Variants in DROSHA observed in about 807,000 individuals in gnomAD.
DROSHA encodes the protein ribonuclease 3.
In DROSHA, 56 loss-of-function variants were observed where a neutral mutation model predicts 181.9. That is an observed-to-expected ratio of 0.31 (90% confidence interval 0.25 to 0.38). DROSHA has a LOEUF of 0.38. Ranked by LOEUF, DROSHA falls within the 10% of genes least tolerant of loss-of-function variation. The probability of loss-of-function intolerance (pLI) is 1.00; values close to 1 mark genes in which losing one functional copy is unlikely to be tolerated. For missense variants in DROSHA, 1,218 were observed against 1,743.5 expected (o/e 0.70, Z 5.37); for synonymous variants, 524 against 591.2 (o/e 0.89, Z 1.65).
At position 31,436,210 on chromosome 5, in the gene DROSHA, T is replaced by G. The variant is rs564049654; in HGVS notation, c.2943-346A>C. Among the ~76,000 whole-genome samples the G allele has an allele frequency of 7.2e-5, 11 of 152,300 alleles. No homozygotes were observed. In the East Asian group the frequency reaches 2.1e-3, roughly 29 times the overall value. On this transcript the variant is annotated intron_variant, in intron 24 of 35. Transcript: ENST00000344624. Reference sequence around the variant, plus strand: ...GTGAAACAAATGCTTTTCCTTGGGCTGTGTTACGTGTGGCCCCTGGAGAGA... The same window carrying G: ...GTGAAACAAATGCTTTTCCTTGGGCGGTGTTACGTGTGGCCCCTGGAGAGA...
intron 4 of DROSHA, 101 bp downstream of exon 4, chr5:31,528,939 C>A: frequency 6.8e-7 from 1 of 1,462,332 alleles, no homozygotes; most frequent in Non-Finnish European, 9.4e-7. Context: ...TATCCCCTCT[C>A]CCCATGTATC....
intron 16 of DROSHA, among the ~76,000 whole-genome samples, chr5:31,474,323 T>A (rs1750113693): frequency 6.6e-6 from 1 of 152,228 alleles, no homozygotes; most frequent in Admixed American, 6.5e-5. Flanking sequence ...TGTTATGGAC[T>A]CAATGTTTGT....
At chr5:31,491,782 C>A (rs994364054) in intron 13 of DROSHA, among the ~76,000 whole-genome samples, 1 of 151,098 alleles carries the variant, frequency 6.6e-6, no homozygotes. Context: ...TGGCCTAATA[C>A]TATTGCTTTT....
At chr5:31,455,499 T>TA (rs1466886051) in intron 20 of DROSHA, among the ~76,000 whole-genome samples, 1 of 152,060 alleles carries the variant, frequency 6.6e-6, no homozygotes, top group African/African-American at 2.4e-5. Context: ...ATATACAGCA[T>TA]ACCTGAAAAA....
chr5:31,517,983 T>G (rs1412409409), intron 6 of DROSHA, among the ~76,000 whole-genome samples: 1 of 152,222 alleles, frequency 6.6e-6, no homozygotes, highest in Non-Finnish European at 1.5e-5. Flanking sequence ...CAGTCATATG[T>G]CACTAACAAC....
chr5:31,446,268 G>C (rs115547146), intron 23 of DROSHA, among the ~76,000 whole-genome samples: 1 of 151,668 alleles, frequency 6.6e-6, no homozygotes, highest in Non-Finnish European at 1.5e-5. Context: ...AACACAGTGA[G>C]ACCCTGTCTC....
At chr5:31,438,239 T>C (rs913753254) in intron 23 of DROSHA, among the ~76,000 whole-genome samples, 2 of 152,154 alleles carry the variant, frequency 1.3e-5, no homozygotes, top group African/African-American at 4.8e-5. Flanking sequence ...AGCACAGACA[T>C]GACATGAAGT....
intron 35 of DROSHA, 34 bp from the exon 36 acceptor site, chr5:31,401,596 AATTAT>A (rs1371881826): frequency 7.0e-6 from 9 of 1,277,458 alleles, no homozygotes; most frequent in Non-Finnish European, 8.0e-6. Context: ...TATTTAATAA[AATTAT>A]ATTTAATAAT....
chr5:31,522,887 T>C (rs1035531742), intron 5 of DROSHA, among the ~76,000 whole-genome samples: 6 of 152,222 alleles, frequency 3.9e-5, no homozygotes, highest in African/African-American at 7.2e-5. Flanking sequence ...CAAATACATA[T>C]ATCCACTTTT....
At chr5:31,472,453 GCAA>G (rs1361343769) in intron 16 of DROSHA, among the ~76,000 whole-genome samples, 2 of 152,154 alleles carry the variant, frequency 1.3e-5, no homozygotes, top group Admixed American at 6.5e-5. Context: ...TACTAAATTG[GCAA>G]CAACAACATT....
At chr5:31,507,403 T>C (rs1397004797) in intron 10 of DROSHA, among the ~76,000 whole-genome samples, 1 of 7,644 alleles carries the variant, frequency 1.3e-4, no homozygotes, top group African/African-American at 2.2e-4. Context: ...GAGGTTGCAG[T>C]GAGCCAAGAT....
intron 30 of DROSHA, 99 bp from the exon 31 acceptor site, chr5:31,410,986 AG>A: frequency 6.5e-7 from 1 of 1,528,186 alleles, no homozygotes; most frequent in Admixed American, 1.9e-5. Context: ...TGTCACTGAC[AG>A]GGACACCAAA....
chr5:31,437,335 T>A (rs2150006120), intron 23 of DROSHA, 37 bp from the exon 24 acceptor site: 1 of 1,539,120 alleles, frequency 6.5e-7, no homozygotes. Context: ...TAATACAGCA[T>A]ATTAACACTC....
intron 21 of DROSHA, 119 bp downstream of exon 21, chr5:31,451,412 CTA>C: frequency 3.7e-6 from 3 of 819,216 alleles, no homozygotes; most frequent in Non-Finnish European, 5.8e-6. Context: ...ATGGAGAGAA[CTA>C]TGTTTCTAAC....
chr5:31,435,009 G>C (rs539238758), intron 25 of DROSHA, among the ~76,000 whole-genome samples: 3 of 152,308 alleles, frequency 2.0e-5, no homozygotes, highest in African/African-American at 7.2e-5. Flanking sequence ...CTCACAACCA[G>C]GCTGTGTGCC....
At chr5:31,526,038 G>A in intron 5 of DROSHA, 41 bp downstream of exon 5, 1 of 1,513,690 alleles carries the variant, frequency 6.6e-7, no homozygotes, top group Non-Finnish European at 8.9e-7. Flanking sequence ...CCGTGCCTGG[G>A]CCTCTGCAGT....
chr5:31,462,624 CTT>C (rs1420285706), intron 20 of DROSHA, among the ~76,000 whole-genome samples: 2 of 127,814 alleles, frequency 1.6e-5, no homozygotes, highest in Non-Finnish European at 3.2e-5. Context: ...ATTCAGCACT[CTT>C]GTTTGCTTCA....
intron 30 of DROSHA, among the ~76,000 whole-genome samples, chr5:31,417,469 G>A (rs541303648): frequency 1.8e-4 from 28 of 152,236 alleles, no homozygotes; most frequent in South Asian, 6.2e-4. Context: ...ACTGGGGCGC[G>A]GGGTATGAAT....
At chr5:31,463,480 A>T (rs143960671) in intron 20 of DROSHA, among the ~76,000 whole-genome samples, 1 of 152,342 alleles carries the variant, frequency 6.6e-6, no homozygotes, top group African/African-American at 2.4e-5. Context: ...GGAAGCCTGG[A>T]AGTATTCTTC....
Sources: allele counts gnomAD v4.1 joint callset (sites outside exome capture counted in the v4.1 genomes callset), GRCh38; gene constraint gnomAD v4.1.1; transcripts MANE v1.5; gene names NCBI Gene and HGNC (gene_info 2026-07-23, HGNC 2026-07-21).